ATP23: variants seen among roughly 807,000 people sequenced by gnomAD.
ATP23 encodes the protein mitochondrial inner membrane protease ATP23 homolog.
A neutral mutation model predicts 28.5 loss-of-function variants in ATP23; 24 were observed. The observed-to-expected ratio is 0.84, with a 90% CI of 0.61 to 1.18. ATP23 has a LOEUF of 1.18. Ranked by LOEUF, ATP23 falls within the 50% of genes most tolerant of loss-of-function variation. The pLI, the probability that ATP23 is intolerant of heterozygous loss-of-function variation, is 0.00. For synonymous variants in ATP23, 99 were observed against 108.6 expected, an observed-to-expected ratio of 0.91 and a Z score of 0.55; for missense variants, 274 against 306.4, an observed-to-expected ratio of 0.89 and a Z score of 0.79.
At position 57,947,009 on chromosome 12, in the gene ATP23, A is replaced by T. The variant is rs773709409; in HGVS notation, c.248A>T (p.Asp83Val). 1.2e-6 allele frequency: 2 copies of T among 1,613,972 alleles called. No individual in the cohort carries two copies. Among genetic ancestry groups the T allele is most frequent in the South Asian group, 1.1e-5 (1 of 91,064 alleles). ...TTGCCTTTTAGTGCTGTTAACAAAG[A>T]TAGACACTTTTCTTGCGAAGACTGT... ...MKHSGCAVNK[D>V]RHFSCEDCNG... Residue 83 changes from aspartate (D) to valine (V), a missense_variant, in exon 3 of 6, where the codon GAT becomes GTT. Coordinates refer to ENST00000300145, the MANE Select transcript of ATP23 (RefSeq NM_033276.4).
intron 3 of ATP23, among the ~76,000 whole-genome samples, chr12:57,948,294 T>C (rs371126354): frequency 1.3e-5 from 2 of 152,056 alleles, no homozygotes; most frequent in African/African-American, 4.8e-5. Context: ...AAATTATTAT[T>C]ATTTTTGAGA....
At chr12:57,950,733 T>G (rs117602465) in intron 3 of ATP23, among the ~76,000 whole-genome samples, 2,494 of 152,114 alleles carry the variant, frequency 0.016, 26 homozygotes, top group Middle Eastern at 0.041. Context: ...TTTGCTCTGT[T>G]GCCCAGGCTG....
intron 5 of ATP23, among the ~76,000 whole-genome samples, chr12:57,955,969 G>A (rs1234111991): frequency 6.6e-6 from 1 of 152,118 alleles, no homozygotes; most frequent in Non-Finnish European, 1.5e-5. Context: ...ATTGGTCCTG[G>A]GGAGAAATAA....
chr12:57,956,255 T>C (rs1956865639), intron 5 of ATP23, among the ~76,000 whole-genome samples: 1 of 152,156 alleles, frequency 6.6e-6, no homozygotes, highest in Non-Finnish European at 1.5e-5. Flanking sequence ...GGAAAAGTTA[T>C]CTAGCATTGG....
intron 1 of ATP23, among the ~76,000 whole-genome samples, chr12:57,944,221 ACT>A (rs1183172117): frequency 6.6e-6 from 1 of 151,774 alleles, no homozygotes; most frequent in Non-Finnish European, 1.5e-5. Flanking sequence ...TACTGTGAAC[ACT>A]CTTGCAAGGG....
At position 57,951,771 on chromosome 12, in the gene ATP23, A is replaced by G; in HGVS notation, c.329A>G (p.Gln110Arg). 6.2e-7 allele frequency: 1 copy of G among 1,614,136 alleles called. No individual in the cohort carries two copies. Among genetic ancestry groups the G allele is most frequent in the Non-Finnish European group, 8.5e-7 (1 of 1,179,986 alleles). The change falls in exon 4 of 6, where the codon CAG becomes CGG. Residue 110 changes from glutamine (Q) to arginine (R), a missense_variant. Physicochemically the swap from Gln to Arg is conservative, Grantham distance 43 (BLOSUM62 1). Coordinates refer to ENST00000300145, the MANE Select transcript of ATP23 (RefSeq NM_033276.4). ...DASTSQIVLC[Q>R]NNIHNQAHMN... is the part of the protein sequence containing the mutation. ...GGTGTCTCCTAGATAGTTTTGTGCC[A>G]GAATAATATCCATAATCAGGCCCAT...
At chr12:57,942,452 C>G (rs140401638) in intron 1 of ATP23, among the ~76,000 whole-genome samples, 2,523 of 144,952 alleles carry the variant, frequency 0.017, 27 homozygotes, top group Middle Eastern at 0.045. Flanking sequence ...GAGACGGAGT[C>G]TCGCTCTGTC....
At chr12:57,954,941 C>T (rs1956851325) in intron 5 of ATP23, among the ~76,000 whole-genome samples, 1 of 151,912 alleles carries the variant, frequency 6.6e-6, no homozygotes, top group African/African-American at 2.4e-5. Flanking sequence ...AGGTGTTCAG[C>T]CTCTGCCAGG....
At position 57,941,654 on chromosome 12, in the gene ATP23, T is replaced by G. The variant is rs1484310094; in HGVS notation, c.-48T>G. 6.3e-7 allele frequency: 1 copy of G among 1,581,036 alleles called. No homozygotes were observed. The highest frequency in any genetic ancestry group is 1.4e-5 in the African/African-American group (1 of 73,794). ...GGGAGGTTACCTTTCCCAGTCTCGC[T>G]CTGGCCGCCTGAGCCAGGAGGAAGC... On this transcript the variant is annotated 5_prime_UTR_variant, in exon 1 of 6. Coordinates refer to ENST00000300145, the MANE Select transcript of ATP23 (RefSeq NM_033276.4).
intron 3 of ATP23, among the ~76,000 whole-genome samples, chr12:57,948,417 G>C (rs1316580709): frequency 6.6e-6 from 1 of 151,978 alleles, no homozygotes; most frequent in Non-Finnish European, 1.5e-5. Flanking sequence ...TGAGTAGCTG[G>C]GATTGCAGGC....
At chr12:57,956,234 C>A (rs1244251727) in intron 5 of ATP23, among the ~76,000 whole-genome samples, 3 of 152,082 alleles carry the variant, frequency 2.0e-5, no homozygotes, top group Non-Finnish European at 4.4e-5. Flanking sequence ...AGAGGACTTA[C>A]CCTTCTCAAA....
At chr12:57,944,873 TGGAAGAGCTTC>T (rs1163907941) in intron 1 of ATP23, among the ~76,000 whole-genome samples, 6 of 152,190 alleles carry the variant, frequency 3.9e-5, no homozygotes, top group Non-Finnish European at 8.8e-5. Context: ...CCATCCCCTG[TGGAAGAGCTTC>T]AGTGGCAGGT....
At chr12:57,943,099 G>A (rs1443488520) in intron 1 of ATP23, among the ~76,000 whole-genome samples, 1 of 152,178 alleles carries the variant, frequency 6.6e-6, no homozygotes, top group Non-Finnish European at 1.5e-5. Context: ...AAGGGGAGTT[G>A]AGGGTAAAAG....
intron 1 of ATP23, among the ~76,000 whole-genome samples, chr12:57,945,347 C>T (rs952916837): frequency 6.6e-6 from 1 of 152,160 alleles, no homozygotes; most frequent in African/African-American, 2.4e-5. Flanking sequence ...ATTCTCATGC[C>T]TCAGCTTCCC....
At chr12:57,950,558 T>G (rs1419583851) in intron 3 of ATP23, among the ~76,000 whole-genome samples, 2 of 151,878 alleles carry the variant, frequency 1.3e-5, no homozygotes, top group East Asian at 3.9e-4. Flanking sequence ...AGGGTCTCCC[T>G]TTCTTGCCCA....
intron 1 of ATP23, among the ~76,000 whole-genome samples, chr12:57,943,645 C>A (rs1956729815): frequency 1.3e-5 from 2 of 151,696 alleles, no homozygotes; most frequent in Admixed American, 1.3e-4. Flanking sequence ...TGCATCACTG[C>A]ACTCCAGCCT....
intron 3 of ATP23, among the ~76,000 whole-genome samples, chr12:57,948,352 G>A (rs1332239978): frequency 6.6e-6 from 1 of 151,880 alleles, no homozygotes; most frequent in Non-Finnish European, 1.5e-5. Flanking sequence ...GTGCAATATG[G>A]GCTCACTGCA....
chr12:57,953,779 AT>A, intron 5 of ATP23, 90 bp downstream of exon 5: 1 of 1,158,604 alleles, frequency 8.6e-7, no homozygotes. Context: ...AGTATTTGAA[AT>A]TTGAAAGAAC....
intron 5 of ATP23, among the ~76,000 whole-genome samples, chr12:57,955,083 C>T (rs775239036): frequency 6.6e-5 from 10 of 151,794 alleles, no homozygotes; most frequent in African/African-American, 2.2e-4. Context: ...CACATCAGCA[C>T]GCCCCTAGAG....
Sources: allele counts gnomAD v4.1 joint callset (sites outside exome capture counted in the v4.1 genomes callset), GRCh38; gene constraint gnomAD v4.1.1; transcripts MANE v1.5; gene names NCBI Gene and HGNC (gene_info 2026-07-23, HGNC 2026-07-21).